Variants in C2CD3 observed in about 807,000 individuals in gnomAD.
The protein encoded by C2CD3 is C2 domain-containing protein 3.
A neutral mutation model predicts 234.0 loss-of-function variants in C2CD3; 148 were observed. That is an observed-to-expected ratio of 0.63 (90% CI 0.55 to 0.72). The LOEUF is 0.72. C2CD3 is among the 30% of genes least tolerant of loss of function. The pLI, the probability that C2CD3 is intolerant of heterozygous loss-of-function variation, is 0.00. For synonymous variants in C2CD3, 1,000 were observed against 1,035.4 expected, an observed-to-expected ratio of 0.97 and a Z score of 0.66; for missense variants, 2,577 against 2,811.5, an observed-to-expected ratio of 0.92 and a Z score of 1.89.
chr11:74,073,505 T>C (rs1323424960), intron 24 of C2CD3, among the ~76,000 whole-genome samples: 1 of 150,960 alleles, frequency 6.6e-6, no homozygotes, highest in East Asian at 1.9e-4. Flanking sequence ...GAGAATTGCT[T>C]GAAGCTGGGA....
intron 32 of C2CD3, among the ~76,000 whole-genome samples, chr11:74,018,958 G>A (rs1482454586): frequency 3.9e-5 from 6 of 152,196 alleles, no homozygotes; most frequent in South Asian, 2.1e-4. Context: ...AAGCCTTCCC[G>A]GACAGGCCCA....
chr11:74,027,167 C>T (rs1184858886), intron 32 of C2CD3, among the ~76,000 whole-genome samples: 3 of 151,990 alleles, frequency 2.0e-5, no homozygotes, highest in African/African-American at 7.3e-5. Flanking sequence ...AGTGCAGTGG[C>T]GCCATCTTAG....
intron 16 of C2CD3, among the ~76,000 whole-genome samples, chr11:74,096,910 G>C (rs59605334): frequency 0.22 from 33,865 of 151,892 alleles, 4,017 homozygotes; most frequent in East Asian, 0.3. Context: ...TCTAGGAGGT[G>C]GAGGTGGGTG....
At chr11:74,034,426 A>T in intron 30 of C2CD3, 148 bp from the exon 31 acceptor site, 1 of 1,524,624 alleles carries the variant, frequency 6.6e-7, no homozygotes, top group Non-Finnish European at 8.8e-7. Flanking sequence ...ATTCAGTGAG[A>T]CTATATTCAA....
intron 14 of C2CD3, among the ~76,000 whole-genome samples, chr11:74,102,634 A>C (rs1956357541): frequency 6.6e-6 from 1 of 152,196 alleles, no homozygotes; most frequent in African/African-American, 2.4e-5. Context: ...TGGCCCAATG[A>C]CTGAAAAAGA....
chr11:74,067,908 A>G (rs1436004292), intron 24 of C2CD3, among the ~76,000 whole-genome samples: 1 of 152,170 alleles, frequency 6.6e-6, no homozygotes, highest in African/African-American at 2.4e-5. Flanking sequence ...AGCAGAGGAC[A>G]TCTTTCTTTT....
chr11:74,078,235 A>G lies in C2CD3; in HGVS notation c.4483T>C (p.Trp1495Arg), dbSNP rs1349703376. Residue 1495 changes from tryptophan (W) to arginine (R), a missense_variant, in exon 23 of 33, where the codon TGG (tryptophan) becomes CGG (arginine). Coordinates refer to ENST00000334126, the MANE Select transcript of C2CD3 (RefSeq NM_001286577.2). ...ACACTGTCATTGCCATAAGCTCGCC[A>G]CACTTGGATCTCTAGCCTCTCCTCC... ...FREERLEIQV[W>R]RAYGNDSVER... 1.9e-6 allele frequency: 3 copies of G among 1,613,958 alleles called. No individual in the cohort carries two copies. Among genetic ancestry groups the G allele is most frequent in the Non-Finnish European group, 2.5e-6 (3 of 1,180,012 alleles).
Position 74,168,619 on chromosome 11 carries a change from G to A in C2CD3, c.56-6C>T. 1.9e-6 allele frequency: 3 copies of A among 1,605,984 alleles called. No homozygotes were observed. Among genetic ancestry groups the A allele is most frequent in the African/African-American group, 1.3e-5 (1 of 74,624 alleles). On this transcript the variant is annotated splice_region_variant and splice_polypyrimidine_tract_variant and intron_variant, in intron 1 of 32. Coordinates refer to ENST00000334126, the MANE Select transcript of C2CD3 (RefSeq NM_001286577.2). ...TGGAGAAATGTCACTTAAACCTGTA[G>A]AGGAATCCAAGAAAACTGAGTCAAA...
intron 24 of C2CD3, among the ~76,000 whole-genome samples, chr11:74,071,297 A>G (rs55816823): frequency 6.6e-5 from 10 of 152,354 alleles, no homozygotes; most frequent in Non-Finnish European, 1.5e-4. Context: ...AGGTCAAGGC[A>G]AGCATAGGGT....
chr11:74,138,687 T>C, intron 5 of C2CD3, 33 bp downstream of exon 5: 1 of 1,577,808 alleles, frequency 6.3e-7, no homozygotes, highest in Non-Finnish European at 8.7e-7. Flanking sequence ...TAAACGTAGT[T>C]TAGTCTGACT....
At chr11:74,024,927 A>C (rs763380193) in intron 32 of C2CD3, among the ~76,000 whole-genome samples, 2 of 152,162 alleles carry the variant, frequency 1.3e-5, no homozygotes, top group African/African-American at 2.4e-5. Context: ...AACCATGATG[A>C]CTGGTCATCC....
chr11:74,130,182 C>A (rs1430647794), intron 7 of C2CD3, among the ~76,000 whole-genome samples: 1 of 145,474 alleles, frequency 6.9e-6, no homozygotes, highest in African/African-American at 2.6e-5. Flanking sequence ...CTGTTTGATC[C>A]ATTTTGAGTT....
chr11:74,073,794 T>G (rs1016672373), intron 24 of C2CD3, among the ~76,000 whole-genome samples: 4 of 152,210 alleles, frequency 2.6e-5, no homozygotes, highest in Non-Finnish European at 5.9e-5. Flanking sequence ...ATATGTTAAA[T>G]TTTAGCTAGA....
intron 24 of C2CD3, chr11:74,070,408 A>G (rs769763889): frequency 1.1e-4 from 16 of 152,260 alleles, no homozygotes; most frequent in Non-Finnish European, 2.1e-4. Flanking sequence ...CTTCCTTAAG[A>G]AAGAGCTTCC....
chr11:74,140,958 G>A (rs1383953375), intron 3 of C2CD3, among the ~76,000 whole-genome samples: 3 of 152,148 alleles, frequency 2.0e-5, no homozygotes, highest in Admixed American at 6.6e-5. Context: ...CCTAATGGAG[G>A]AATGAAAAAT....
rs61733219 is a variant in C2CD3 at position 74,013,463 on chromosome 11, C to A, written c.6984G>T (p.Ser2328=). Residue 2328 remains serine (S), a synonymous_variant, in exon 33 of 33, where the codon TCG becomes TCT. Transcript: ENST00000334126. ...CTTCCTCAGGCAGGTTGAGGGGGAG[C>A]GAGTTAGGTCTGGGGCGACAAGGCC... is the stretch of plus-strand genomic sequence containing the variant. ...SQRPCRPRPN[S]LPLNLPEEET... The A allele has an allele frequency of 6.6e-3, 9,397 of 1,427,474 alleles. 34 individuals carry two copies. Among genetic ancestry groups the A allele is most frequent in the Middle Eastern group, 0.017 (92 of 5,574 alleles). The allele number at this position is 1,427,474 out of a possible 1,614,324, so 88.4% of individuals were successfully genotyped here.
rs546192949 is a variant in C2CD3 at position 74,130,773 on chromosome 11, G to C, written c.1217+2071C>G. Among the ~76,000 whole-genome samples, 6 of 152,086 alleles carry C rather than the reference G, an allele frequency of 3.9e-5. No homozygotes were observed. In the South Asian group the frequency reaches 1.0e-3, roughly 26 times the overall value. On this transcript the variant is annotated intron_variant, in intron 7 of 32. Coordinates refer to ENST00000334126, the MANE Select transcript of C2CD3 (RefSeq NM_001286577.2). Reference sequence around the variant, plus strand: ...CTGTAGTAAGCTTTAAAATTGGAAAGTGTGAGTCCTACTTTCTTTTTTTTC... The same window carrying C: ...CTGTAGTAAGCTTTAAAATTGGAAACTGTGAGTCCTACTTTCTTTTTTTTC...
chr11:74,058,104 T>A (rs1035439611), intron 24 of C2CD3, among the ~76,000 whole-genome samples: 2 of 152,204 alleles, frequency 1.3e-5, no homozygotes, highest in African/African-American at 4.8e-5. Context: ...AAATACTGTG[T>A]TGAGAGGCAA....
chr11:74,061,163 A>G (rs1954221335), intron 24 of C2CD3, among the ~76,000 whole-genome samples: 1 of 152,248 alleles, frequency 6.6e-6, no homozygotes, highest in African/African-American at 2.4e-5. Context: ...CTGTACCTGA[A>G]AGTGACAGGG....
Sources: gnomAD v4.1 joint callset for allele counts (sites outside exome capture counted in the v4.1 genomes callset) on GRCh38, gnomAD v4.1.1 for gene constraint, MANE v1.5 for transcripts, NCBI Gene and HGNC (gene_info 2026-07-23, HGNC 2026-07-21) for gene names.